LAMC3: variants seen among roughly 807,000 people sequenced by gnomAD.
LAMC3 encodes laminin subunit gamma 3.
A neutral mutation model predicts 173.8 loss-of-function variants in LAMC3; 128 were observed. The ratio of observed to expected loss-of-function variants is 0.74; its 90% confidence interval spans 0.64 to 0.85. The LOEUF (loss-of-function observed/expected upper bound fraction) is 0.85. Among genes scored for constraint, LAMC3 ranks in the 40% least tolerant of loss-of-function variants. The pLI, the probability that LAMC3 is intolerant of heterozygous loss-of-function variation, is 0.00. For synonymous variants in LAMC3, 897 were observed against 909.1 expected, an observed-to-expected ratio of 0.99 and a Z score of 0.24; for missense variants, 2,022 against 2,156.0, an observed-to-expected ratio of 0.94 and a Z score of 1.23.
At chr9:131,059,431 G>T (rs1236441311) in intron 12 of LAMC3, among the ~76,000 whole-genome samples, 2 of 146,726 alleles carry the variant, frequency 1.4e-5, no homozygotes, top group African/African-American at 2.5e-5. Context: ...GGCGGAGGTT[G>T]CAGTGAGCCG....
At chr9:131,081,307 A>T (rs1358976199) in intron 23 of LAMC3, among the ~76,000 whole-genome samples, 2 of 152,148 alleles carry the variant, frequency 1.3e-5, no homozygotes, top group Non-Finnish European at 1.5e-5. Context: ...CATCTATCAG[A>T]CCCAAATTCT....
At chr9:131,049,364 C>T (rs1416805134) in intron 9 of LAMC3, among the ~76,000 whole-genome samples, 1 of 152,196 alleles carries the variant, frequency 6.6e-6, no homozygotes, top group Non-Finnish European at 1.5e-5. Context: ...AAGCCGCCTG[C>T]ATTCCTGGGC....
rs61199253 is a variant in LAMC3 at position 131,065,777 on chromosome 9, G to A, written c.2348-1183G>A. ...GGATAATGGTCAAGAAGGTGATGTT[G>A]ATGAAGATAATGGTCAAGATGACAA... is the stretch of plus-strand genomic sequence containing the variant. On this transcript the variant is annotated intron_variant, in intron 13 of 27. Transcript: ENST00000361069. 5.1e-3 allele frequency among the ~76,000 whole-genome samples: 772 copies of A among 152,278 alleles called. 10 individuals are homozygous for A. Among genetic ancestry groups the A allele is most frequent in the African/African-American group, 0.017 (716 of 41,556 alleles).
intron 1 of LAMC3, among the ~76,000 whole-genome samples, chr9:131,015,229 G>A (rs761204906): frequency 2.0e-5 from 3 of 152,156 alleles, no homozygotes; most frequent in Non-Finnish European, 4.4e-5. Flanking sequence ...GTGTTTCCTC[G>A]CTCAGAGCAA....
intron 3 of LAMC3, among the ~76,000 whole-genome samples, chr9:131,035,864 C>G (rs1354744338): frequency 6.6e-6 from 1 of 152,206 alleles, no homozygotes; most frequent in African/African-American, 2.4e-5. Flanking sequence ...CAGAAGCTTT[C>G]TGTGCCAGGC....
At chr9:131,044,162 T>TG (rs1834106193) in intron 7 of LAMC3, among the ~76,000 whole-genome samples, 1 of 151,728 alleles carries the variant, frequency 6.6e-6, no homozygotes, top group Non-Finnish European at 1.5e-5. Context: ...TTTCACCATG[T>TG]TGGTCAGGCT....
rs1399636086 is a variant in LAMC3, at chr9:131,026,015, T to C, written c.374-270T>C. Among the ~76,000 whole-genome samples the C allele has an allele frequency of 3.3e-5, 5 of 152,200 alleles. No homozygotes were observed. The highest frequency in any genetic ancestry group is 9.7e-5 in the African/African-American group (4 of 41,442). On this transcript the variant is annotated intron_variant, in intron 1 of 27. Coordinates refer to ENST00000361069, the MANE Select transcript of LAMC3 (RefSeq NM_006059.4). The surrounding 1 kb of genome is among the most constrained non-coding windows in gnomAD (Gnocchi z 4.8). ...TTGAGCAAACAGAGATGGCTGCCTC[T>C]CAGGGGTGTTGCAACGGAGATTCCT...
At chr9:131,052,808 C>A (rs201708181) in intron 10 of LAMC3, 42 bp from the exon 11 acceptor site, 41 of 1,325,188 alleles carry the variant, frequency 3.1e-5, no homozygotes, top group Admixed American at 2.2e-4. Flanking sequence ...GGTACCCCCC[C>A]ACCCTATGTC....
At chr9:131,078,832 A>G (rs756226438) in intron 22 of LAMC3, among the ~76,000 whole-genome samples, 1 of 152,182 alleles carries the variant, frequency 6.6e-6, no homozygotes, top group Non-Finnish European at 1.5e-5. Context: ...TGGGTTGCTC[A>G]AGGCCACGCA....
At chr9:131,082,192 G>T in intron 24 of LAMC3, 31 bp downstream of exon 24, 1 of 1,543,384 alleles carries the variant, frequency 6.5e-7, no homozygotes. Context: ...ACTAGGCTGT[G>T]TAATGACGAA....
intron 25 of LAMC3, among the ~76,000 whole-genome samples, chr9:131,086,126 T>G (rs1830326729): frequency 6.6e-6 from 1 of 152,240 alleles, no homozygotes; most frequent in Non-Finnish European, 1.5e-5. Flanking sequence ...TGGCCCAGGC[T>G]GGAGTGCAGT....
chr9:131,072,815 G>A lies in LAMC3; in HGVS notation c.3397G>A (p.Ala1133Thr). The A allele has an allele frequency of 1.2e-6, 2 of 1,612,218 alleles. No homozygotes were observed. Among genetic ancestry groups the A allele is most frequent in the South Asian group, 1.1e-5 (1 of 90,482 alleles). Residue 1133 changes from alanine to threonine, a missense_variant, in exon 19 of 28, where the codon GCT (alanine) becomes ACT (threonine). Physicochemically the swap from Ala to Thr is moderately conservative, Grantham distance 58 (BLOSUM62 0). Transcript: ENST00000361069. ...CTCGGAAGAGGAGATTCTGCATGCAGCTGCCATTCTCGCGTCTCTGGTATC... is the reference window on the plus strand; with the variant it reads ...CTCGGAAGAGGAGATTCTGCATGCAACTGCCATTCTCGCGTCTCTGGTATC... ...ESSEEEILHA[A>T]AILASLEIPQ...
intron 23 of LAMC3, 144 bp from the exon 24 acceptor site, chr9:131,081,915 T>C: frequency 1.5e-6 from 1 of 682,100 alleles, no homozygotes; most frequent in South Asian, 1.5e-5. Flanking sequence ...ACAGATCAGG[T>C]GCTCCTGGTG....
In LAMC3 at chr9:131,085,627, G is replaced by A; in HGVS notation, c.4134G>A (p.Lys1378=). The change falls in exon 25 of 28, where the codon AAG becomes AAA. Residue 1378 remains lysine, a synonymous_variant. Coordinates refer to ENST00000361069, the MANE Select transcript of LAMC3 (RefSeq NM_006059.4). ...TTGCAGACACGAGAAAGAAGACCAAGCAGGCGGAGAGGATGCTGGGAAACG... is the reference window on the plus strand; with the variant it reads ...TTGCAGACACGAGAAAGAAGACCAAACAGGCGGAGAGGATGCTGGGAAACG... ...RLLADTRKKT[K]QAERMLGNAA... is the part of the protein sequence containing the mutation. The A allele has an allele frequency of 6.2e-7, 1 of 1,614,162 alleles. No individual in the cohort carries two copies.
At chr9:131,022,816 G>A (rs993546462) in intron 1 of LAMC3, among the ~76,000 whole-genome samples, 8 of 152,038 alleles carry the variant, frequency 5.3e-5, no homozygotes, top group African/African-American at 9.7e-5. Context: ...GGGCTCAAGC[G>A]ATCCTCCAGC....
Position 131,026,429 on chromosome 9 carries a change from G to A in LAMC3, c.518G>A (p.Arg173Gln), listed in dbSNP as rs753023173. ...GCCTCCTGCCAGAAGACCTACGGCC[G>A]GCCCGAGGGCCAGTACCTGCGCCCC... Reference protein sequence around the residue: ...YSASCQKTYGRPEGQYLRPGE... With the variant: ...YSASCQKTYGQPEGQYLRPGE... The change falls in exon 2 of 28, where the codon CGG becomes CAG. Residue 173 changes from arginine (R) to glutamine (Q), a missense_variant. Arg to Gln is a conservative substitution (Grantham distance 43, BLOSUM62 1). Coordinates refer to ENST00000361069, the MANE Select transcript of LAMC3 (RefSeq NM_006059.4). The surrounding 1 kb of genome is among the most constrained non-coding windows in gnomAD (Gnocchi z 4.8). The A allele has an allele frequency of 1.6e-5, 26 of 1,613,674 alleles. No homozygotes were observed. The highest frequency in any genetic ancestry group is 1.9e-5 in the Non-Finnish European group (23 of 1,179,932).
At chr9:131,032,559 T>TCTCTCTCTTGCTCTCTCTCG (rs1554784113) in intron 3 of LAMC3, among the ~76,000 whole-genome samples, 33 of 134,386 alleles carry the variant, frequency 2.5e-4, no homozygotes, top group Non-Finnish European at 4.1e-4. Context: ...TCTCTCTCGC[T>TCTCTCTCTTGCTCTCTCTCG]CTCTCTCTTG....
At chr9:131,074,228 G>A (rs916333771) in intron 20 of LAMC3, among the ~76,000 whole-genome samples, 7 of 151,744 alleles carry the variant, frequency 4.6e-5, no homozygotes, top group Non-Finnish European at 1.0e-4. Context: ...GATTACAGGC[G>A]TGAGCCACCG....
chr9:131,081,499 A>T (rs953778167), intron 23 of LAMC3, among the ~76,000 whole-genome samples: 1 of 98,926 alleles, frequency 1.0e-5, no homozygotes, highest in African/African-American at 3.7e-5. Context: ...TTTAGATGGA[A>T]TCTTTATGCC....
Sources: gnomAD v4.1 joint callset for allele counts (sites outside exome capture counted in the v4.1 genomes callset) on GRCh38, gnomAD v4.1.1 for gene constraint, Gnocchi (gnomAD v3.1) non-coding constraint, MANE v1.5 for transcripts, NCBI Gene and HGNC (gene_info 2026-07-23, HGNC 2026-07-21) for gene names.